FAM163A: variants seen among roughly 807,000 people sequenced by gnomAD.
FAM163A encodes the protein protein FAM163A.
In FAM163A, 7 loss-of-function variants were observed where a neutral mutation model predicts 12.0. That is an observed-to-expected ratio of 0.58 (90% CI 0.33 to 1.10). FAM163A has a LOEUF of 1.10. FAM163A is among the 50% of genes least tolerant of loss of function. The pLI is 0.03. For missense variants in FAM163A, 202 were observed against 218.6 expected (o/e 0.92, Z 0.48); for synonymous variants, 101 against 91.0 (o/e 1.11, Z -0.62).
At chr1:179,735,495 CTTTTTTT>C in the FAM163A span, among the ~76,000 whole-genome samples, 4 of 62,184 alleles carry the variant, frequency 6.4e-5, no homozygotes, top group Non-Finnish European at 1.1e-4. Context: ...GAGTTACATT[CTTTTTTT>C]TTTTTTTTTT....
At chr1:179,796,469 A>G (rs1692338968) in intron 1 of FAM163A, among the ~76,000 whole-genome samples, 1 of 152,198 alleles carries the variant, frequency 6.6e-6, no homozygotes, top group South Asian at 2.1e-4. Context: ...CATTCATAAC[A>G]TATTGTTAAA....
intron 1 of FAM163A, among the ~76,000 whole-genome samples, chr1:179,802,962 C>A (rs1358797916): frequency 2.0e-5 from 3 of 152,092 alleles, no homozygotes; most frequent in Non-Finnish European, 2.9e-5. Context: ...CAGTGCACAT[C>A]TCTTTGCTGC....
intron 1 of FAM163A, among the ~76,000 whole-genome samples, chr1:179,786,992 C>T (rs1690722368): frequency 6.6e-6 from 1 of 152,124 alleles, no homozygotes; most frequent in African/African-American, 2.4e-5. Flanking sequence ...GGCCTGCTGC[C>T]AGGAAAAGGG....
At chr1:179,741,653 T>G (rs1169757165), upstream of FAM163A, among the ~76,000 whole-genome samples, 3 of 152,134 alleles carry the variant, frequency 2.0e-5, no homozygotes, top group Non-Finnish European at 4.4e-5. Flanking sequence ...TACAACCAAA[T>G]GGAAGAAGAG....
intron 1 of FAM163A, among the ~76,000 whole-genome samples, chr1:179,797,391 T>G (rs1030506870): frequency 6.6e-6 from 1 of 152,018 alleles, no homozygotes; most frequent in African/African-American, 2.4e-5. Flanking sequence ...GAGGTTGCAG[T>G]GAGCCAAGAT....
At chr1:179,731,046 A>C in the FAM163A span, among the ~76,000 whole-genome samples, 1 of 152,228 alleles carries the variant, frequency 6.6e-6, no homozygotes, top group Non-Finnish European at 1.5e-5. Context: ...TTAATTTGGA[A>C]TTAAAATGAA....
chr1:179,762,424 C>G (rs1441975745), intron 1 of FAM163A, among the ~76,000 whole-genome samples: 2 of 152,126 alleles, frequency 1.3e-5, no homozygotes, highest in Non-Finnish European at 2.9e-5. Flanking sequence ...GGTTGCGCTC[C>G]TATGCACAAG....
At chr1:179,801,882 C>T (rs1693230928) in intron 1 of FAM163A, among the ~76,000 whole-genome samples, 1 of 152,178 alleles carries the variant, frequency 6.6e-6, no homozygotes, top group Non-Finnish European at 1.5e-5. Flanking sequence ...TCTGTGCCCC[C>T]AAATGGTCTA....
intron 1 of FAM163A, among the ~76,000 whole-genome samples, chr1:179,798,023 A>G (rs959279874): frequency 1.2e-4 from 18 of 152,042 alleles, no homozygotes; most frequent in Non-Finnish European, 2.2e-4. Context: ...TGAGCTCAGG[A>G]GTTTGAAACC....
At chr1:179,795,279 C>T (rs1449361833) in intron 1 of FAM163A, among the ~76,000 whole-genome samples, 4 of 152,164 alleles carry the variant, frequency 2.6e-5, no homozygotes, top group Non-Finnish European at 2.9e-5. Context: ...ACTATCAAAT[C>T]GCCCTCAAAT....
intron 1 of FAM163A, among the ~76,000 whole-genome samples, chr1:179,776,386 G>A (rs556803331): frequency 6.6e-6 from 1 of 152,066 alleles, no homozygotes; most frequent in Non-Finnish European, 1.5e-5. Context: ...AGCTACTCAG[G>A]AGGCTGAGGC....
At chr1:179,765,341 C>G (rs1687344206) in intron 1 of FAM163A, among the ~76,000 whole-genome samples, 1 of 152,178 alleles carries the variant, frequency 6.6e-6, no homozygotes, top group Non-Finnish European at 1.5e-5. Context: ...GAGGTGGGGC[C>G]CACAATTTTG....
chr1:179,745,921 G>C (rs10158144), intron 1 of FAM163A, among the ~76,000 whole-genome samples: 2 of 152,084 alleles, frequency 1.3e-5, no homozygotes, highest in East Asian at 3.9e-4. Flanking sequence ...CAGAATTGTC[G>C]TGAATAAAGA....
At chr1:179,797,488 G>A (rs1451974785) in intron 1 of FAM163A, among the ~76,000 whole-genome samples, 1 of 152,208 alleles carries the variant, frequency 6.6e-6, no homozygotes, top group East Asian at 1.9e-4. Flanking sequence ...AAGACAGGCG[G>A]CATAAGTTCA....
chr1:179,740,172 T>TTTGTTGTTGTTGTTGTTGTTGTTG (rs58589037), upstream of FAM163A, among the ~76,000 whole-genome samples: 1 of 150,926 alleles, frequency 6.6e-6, no homozygotes, highest in African/African-American at 2.4e-5. Context: ...TTATTTGGTT[T>TTTGTTGTTGTTGTTGTTGTTGTTG]TTGTTGTTGT....
At chr1:179,728,694 A>G in the FAM163A span, among the ~76,000 whole-genome samples, 1 of 152,166 alleles carries the variant, frequency 6.6e-6, no homozygotes, top group Non-Finnish European at 1.5e-5. Flanking sequence ...AAATAGACAC[A>G]TTTCCCCAGT....
At chr1:179,727,971 C>G in the FAM163A span, among the ~76,000 whole-genome samples, 6 of 151,978 alleles carry the variant, frequency 3.9e-5, no homozygotes, top group Admixed American at 6.6e-5. Flanking sequence ...AAGATAGGAG[C>G]TTGATTATAA....
chr1:179,783,245 A>C (rs375220077), intron 1 of FAM163A, among the ~76,000 whole-genome samples: 8 of 152,302 alleles, frequency 5.3e-5, no homozygotes, highest in African/African-American at 1.9e-4. Context: ...GAAAAGACTG[A>C]GTAGAAACAT....
intron 1 of FAM163A, among the ~76,000 whole-genome samples, chr1:179,777,087 T>C: frequency 6.6e-6 from 1 of 152,362 alleles, no homozygotes; most frequent in East Asian, 1.9e-4. Context: ...TCGGATTGTA[T>C]GAACCTCTCA....
Sources: gnomAD v4.1 joint callset for allele counts (sites outside exome capture counted in the v4.1 genomes callset) on GRCh38, gnomAD v4.1.1 for gene constraint, MANE v1.5 for transcripts, NCBI Gene and HGNC (gene_info 2026-07-23, HGNC 2026-07-21) for gene names.